Variants in ATR observed in about 807,000 individuals in gnomAD.
ATR encodes ATR checkpoint kinase.
A neutral mutation model predicts 305.3 loss-of-function variants in ATR; 142 were observed. The observed-to-expected ratio is 0.47, with a 90% CI of 0.41 to 0.53. The LOEUF (loss-of-function observed/expected upper bound fraction) is 0.53, where lower values mean the gene tolerates loss of function less well. ATR is among the 20% of genes least tolerant of loss of function. ATR has a pLI of 0.00. For missense variants in ATR, 2,135 were observed against 3,133.1 expected, an observed-to-expected ratio of 0.68 and a Z score of 7.60; for synonymous variants, 1,050 against 1,068.1, an observed-to-expected ratio of 0.98 and a Z score of 0.33.
chr3:142,524,253 T>C, intron 21 of ATR, 54 bp from the exon 22 acceptor site: 1 of 1,471,832 alleles, frequency 6.8e-7, no homozygotes, highest in Non-Finnish European at 9.4e-7. Context: ...ACTAGTATGT[T>C]TTCCTGAGCT....
chr3:142,521,357 T>C (rs1356015628), intron 23 of ATR, among the ~76,000 whole-genome samples: 11 of 152,204 alleles, frequency 7.2e-5, no homozygotes, highest in Non-Finnish European at 1.6e-4. Context: ...AGGATATTAA[T>C]GTTGTTTTCG....
At chr3:142,513,931 G>C (rs1392794354) in intron 25 of ATR, among the ~76,000 whole-genome samples, 3 of 151,938 alleles carry the variant, frequency 2.0e-5, no homozygotes, top group African/African-American at 7.3e-5. Context: ...ATAGTTAACA[G>C]TATTCCACAT....
intron 15 of ATR, among the ~76,000 whole-genome samples, chr3:142,548,215 C>T (rs1030729501): frequency 6.6e-6 from 1 of 152,170 alleles, no homozygotes; most frequent in Admixed American, 6.5e-5. Context: ...GGACACACAA[C>T]CCTGGGAGGA....
chr3:142,471,386 A>G (rs1426787475), intron 36 of ATR, among the ~76,000 whole-genome samples: 3 of 152,160 alleles, frequency 2.0e-5, no homozygotes, highest in Middle Eastern at 3.2e-3. Context: ...TGTTTTAGCT[A>G]TTATGAATAA....
rs546401125 is a variant in ATR at position 142,539,073 on chromosome 3, C to T, written c.3582-448G>A. On this transcript the variant is annotated intron_variant, in intron 18 of 46. Coordinates refer to ENST00000350721, the MANE Select transcript of ATR (RefSeq NM_001184.4). ...GCAACCCTTAAAAGTTTTAAAGAAA[C>T]TGAAACAAGTGAACCTAACTAAATG... Among the ~76,000 whole-genome samples the T allele has an allele frequency of 1.8e-3, 278 of 152,078 alleles. 1 individual carries two copies. Among genetic ancestry groups the T allele is most frequent in the African/African-American group, 6.1e-3 (254 of 41,500 alleles).
intron 21 of ATR, among the ~76,000 whole-genome samples, chr3:142,525,550 T>C (rs922621651): frequency 2.0e-5 from 3 of 152,184 alleles, no homozygotes; most frequent in Non-Finnish European, 4.4e-5. Context: ...AGCTTAGGTA[T>C]CTGTCCATTC....
intron 34 of ATR, among the ~76,000 whole-genome samples, chr3:142,495,747 A>G (rs1435143933): frequency 6.6e-6 from 1 of 151,694 alleles, no homozygotes; most frequent in Non-Finnish European, 1.5e-5. Flanking sequence ...CCGGTTCAAA[A>G]TAAATAAATA....
chr3:142,466,466 T>G lies in ATR; in HGVS notation c.6755A>C (p.Glu2252Ala), dbSNP rs760902300. 6.2e-7 allele frequency: 1 copy of G among 1,613,954 alleles called. No individual in the cohort carries two copies. The highest frequency in any genetic ancestry group is 1.1e-5 in the South Asian group (1 of 91,076). Residue 2252 changes from glutamate to alanine, a missense_variant, in exon 40 of 47, where the codon GAA becomes GCA. Around this residue, in one of 9 missense-constraint regions of ATR, gnomAD observed 462 missense variants for 887.6 expected, o/e 0.52. Transcript: ENST00000350721. ...HFKMLKKLVEEATFSEILIPL... is the reference protein window; with the variant it reads ...HFKMLKKLVEAATFSEILIPL... ...AATGAGGATTTCACTAAATGTTGCT[T>G]CTTCTACCAGCTTTTTAAGCATTTT...
chr3:142,449,748 T>G, intron 46 of ATR, 146 bp from the exon 47 acceptor site: 3 of 858,836 alleles, frequency 3.5e-6, no homozygotes, highest in Non-Finnish European at 5.5e-6. Context: ...AAAGAAGAAA[T>G]TAAACAAATA....
At chr3:142,503,231 G>T in intron 30 of ATR, 131 bp downstream of exon 30, 1 of 644,026 alleles carries the variant, frequency 1.6e-6, no homozygotes. Flanking sequence ...AAATGTTGGT[G>T]CTTATCTCCA....
intron 21 of ATR, among the ~76,000 whole-genome samples, chr3:142,529,109 TG>T (rs2033535609): frequency 6.6e-6 from 1 of 151,486 alleles, no homozygotes; most frequent in Admixed American, 6.6e-5. Flanking sequence ...CTTGAACTCC[TG>T]ACCTCGTGAT....
chr3:142,563,939 C>T (rs376658404), intron 3 of ATR, among the ~76,000 whole-genome samples: 5 of 152,072 alleles, frequency 3.3e-5, no homozygotes, highest in African/African-American at 9.7e-5. Context: ...AAGATCAAAT[C>T]GTTAAAAGAT....
intron 10 of ATR, among the ~76,000 whole-genome samples, chr3:142,554,471 G>A (rs752742332): frequency 2.5e-4 from 38 of 152,148 alleles, no homozygotes; most frequent in Non-Finnish European, 4.6e-4. Context: ...CAGGCAATCC[G>A]CCTGTCTCGG....
At chr3:142,499,249 G>A in intron 31 of ATR, 2 of 307,654 alleles carry the variant, frequency 6.5e-6, no homozygotes, top group South Asian at 3.0e-5. Flanking sequence ...AAGTATGAAT[G>A]TTGCTAAGTT....
At chr3:142,559,211 C>CT in intron 7 of ATR, 40 bp downstream of exon 7, 1 of 1,585,236 alleles carries the variant, frequency 6.3e-7, no homozygotes, top group Non-Finnish European at 8.7e-7. Context: ...TACTGATTAT[C>CT]TTTAAAGGTT....
At chr3:142,534,126 A>G (rs933213979) in intron 21 of ATR, among the ~76,000 whole-genome samples, 4 of 152,134 alleles carry the variant, frequency 2.6e-5, no homozygotes, top group Non-Finnish European at 1.5e-5. Flanking sequence ...TTAAAAGGCT[A>G]AAAGTCCTTT....
intron 42 of ATR, among the ~76,000 whole-genome samples, chr3:142,459,877 T>G (rs774417345): frequency 6.6e-6 from 1 of 152,016 alleles, no homozygotes; most frequent in Non-Finnish European, 1.5e-5. Context: ...TGTTGTGAAA[T>G]CAAATAGTTC....
intron 23 of ATR, among the ~76,000 whole-genome samples, chr3:142,521,152 G>A (rs939934897): frequency 2.0e-5 from 3 of 152,166 alleles, no homozygotes; most frequent in African/African-American, 4.8e-5. Flanking sequence ...AAAAAATTAT[G>A]TGAAATCTAC....
At chr3:142,533,766 C>A (rs2033751585) in intron 21 of ATR, among the ~76,000 whole-genome samples, 1 of 152,136 alleles carries the variant, frequency 6.6e-6, no homozygotes, top group African/African-American at 2.4e-5. Context: ...GCTATTATAT[C>A]TTAATCAGAG....
Sources: allele counts gnomAD v4.1 joint callset (sites outside exome capture counted in the v4.1 genomes callset), GRCh38; gene constraint gnomAD v4.1.1; regional missense constraint gnomAD v4.1.1; transcripts MANE v1.5; gene names NCBI Gene and HGNC (gene_info 2026-07-23, HGNC 2026-07-21).